The following ADGRE1 variants were observed in gnomAD, a reference collection of about 807,000 sequenced individuals.
ADGRE1 encodes the protein EGF-like module receptor 1.
Under a neutral mutation model 102.7 loss-of-function variants are expected in ADGRE1, and 82 were observed. The ratio of observed to expected loss-of-function variants is 0.80; its 90% CI spans 0.67 to 0.96. The LOEUF (loss-of-function observed/expected upper bound fraction) is 0.96, where lower values mean the gene tolerates loss of function less well. Ranked by LOEUF, ADGRE1 falls within the 40% of genes least tolerant of loss-of-function variation. The pLI is 0.00. For missense variants in ADGRE1, 1,032 were observed against 1,085.3 expected, an observed-to-expected ratio of 0.95 and a Z score of 0.69; for synonymous variants, 398 against 399.6, an observed-to-expected ratio of 1.00 and a Z score of 0.05.
intron 17 of ADGRE1, among the ~76,000 whole-genome samples, 161 bp from the exon 18 acceptor site, chr19:6,934,826 C>T (rs1006183591): frequency 4.0e-5 from 6 of 149,992 alleles, no homozygotes; most frequent in Admixed American, 6.7e-5. Flanking sequence ...AGGCTGGTCT[C>T]GAATTCCTGA....
At chr19:6,928,532 C>A in intron 17 of ADGRE1, 1 of 393,158 alleles carries the variant, frequency 2.5e-6, no homozygotes, top group South Asian at 3.2e-5. Flanking sequence ...GAGGCTGAGG[C>A]AGGAGAATCG....
chr19:6,930,886 G>A (rs555812083), intron 17 of ADGRE1, among the ~76,000 whole-genome samples: 7 of 152,054 alleles, frequency 4.6e-5, no homozygotes, highest in South Asian at 2.1e-4. Flanking sequence ...TGACCCACCC[G>A]CCTCGACCTC....
intron 9 of ADGRE1, 22 bp from the exon 10 acceptor site, chr19:6,908,667 T>C (rs750001105): frequency 5.1e-6 from 8 of 1,562,334 alleles, no homozygotes; most frequent in Non-Finnish European, 6.9e-6. Flanking sequence ...AAATGCTCTT[T>C]TTTTTTTTTT....
chr19:6,889,060 A>G (rs1973251441), intron 1 of ADGRE1, among the ~76,000 whole-genome samples: 1 of 151,844 alleles, frequency 6.6e-6, no homozygotes. Flanking sequence ...GATAATGAAG[A>G]TGATGGTGAT....
chr19:6,915,589 G>A (rs981175915), intron 11 of ADGRE1, among the ~76,000 whole-genome samples: 1 of 152,044 alleles, frequency 6.6e-6, no homozygotes, highest in African/African-American at 2.4e-5. Context: ...TACCATGCTA[G>A]GCTTGCCCCA....
intron 15 of ADGRE1, among the ~76,000 whole-genome samples, chr19:6,925,203 C>A (rs1033424295): frequency 2.0e-5 from 3 of 152,154 alleles, no homozygotes; most frequent in Admixed American, 2.0e-4. Flanking sequence ...CTCACTGCAA[C>A]CCCTGCCTCT....
chr19:6,927,841 AATG>A (rs1368016406), intron 16 of ADGRE1, among the ~76,000 whole-genome samples: 1 of 151,968 alleles, frequency 6.6e-6, no homozygotes, highest in East Asian at 1.9e-4. Flanking sequence ...CTGAGATTTG[AATG>A]ATAAGGTGTA....
At chr19:6,919,800 G>C in intron 13 of ADGRE1, 53 bp downstream of exon 13, 1 of 1,554,868 alleles carries the variant, frequency 6.4e-7, no homozygotes, top group South Asian at 1.1e-5. Flanking sequence ...GGAACTCCTC[G>C]TCTCTCGATT....
intron 10 of ADGRE1, 34 bp from the exon 11 acceptor site, chr19:6,913,619 G>A (rs1250917184): frequency 1.3e-6 from 2 of 1,532,220 alleles, no homozygotes; most frequent in Admixed American, 3.8e-5. Flanking sequence ...ATGAGAGAGA[G>A]AGAGAGAATG....
intron 17 of ADGRE1, among the ~76,000 whole-genome samples, chr19:6,932,922 A>C (rs35726166): frequency 0.23 from 35,367 of 152,134 alleles, 4,461 homozygotes; most frequent in African/African-American, 0.29. Context: ...CATGGAAATA[A>C]TAATTATGAT....
intron 17 of ADGRE1, among the ~76,000 whole-genome samples, chr19:6,933,881 T>A (rs1975269704): frequency 6.6e-6 from 1 of 151,924 alleles, no homozygotes; most frequent in Non-Finnish European, 1.5e-5. Flanking sequence ...CAGGTGTATG[T>A]ATATCTTGCT....
chr19:6,921,961 T>C lies in ADGRE1; in HGVS notation c.1791+78T>C, dbSNP rs867837933. ...TGGGAAAATATTGATTAAACATCTG[T>C]TGTGTGTCTCCCATGGGGTTGGGTG... On this transcript the variant is annotated intron_variant, in intron 14 of 20. Transcript: ENST00000312053. 22 of 1,497,448 alleles carry C rather than the reference T, an allele frequency of 1.5e-5. No homozygotes were observed. The South Asian group carries it at 1.9e-4, about 13-fold the overall frequency. The allele number at this position is 1,497,448 out of a possible 1,614,324, so 92.8% of individuals were successfully genotyped here.
chr19:6,920,374 C>T (rs1340053401), intron 13 of ADGRE1, among the ~76,000 whole-genome samples: 1 of 151,864 alleles, frequency 6.6e-6, no homozygotes, highest in South Asian at 2.1e-4. Context: ...CGCCCGCCAC[C>T]ATGACCGGCT....
At chr19:6,934,428 T>C (rs949245647) in intron 17 of ADGRE1, among the ~76,000 whole-genome samples, 2 of 148,526 alleles carry the variant, frequency 1.3e-5, no homozygotes, top group South Asian at 2.1e-4. Flanking sequence ...TCTTTTTTTT[T>C]TTTTTTTTTT....
intron 17 of ADGRE1, among the ~76,000 whole-genome samples, chr19:6,933,655 G>A (rs752646350): frequency 3.3e-5 from 5 of 152,128 alleles, no homozygotes; most frequent in Non-Finnish European, 7.4e-5. Context: ...CCAATGTGCT[G>A]GGATTACAGG....
intron 10 of ADGRE1, among the ~76,000 whole-genome samples, chr19:6,909,488 G>A (rs1974093066): frequency 6.6e-6 from 1 of 152,092 alleles, no homozygotes; most frequent in Admixed American, 6.6e-5. Context: ...TTTTGAGACT[G>A]GCTTCTTTGA....
intron 10 of ADGRE1, among the ~76,000 whole-genome samples, chr19:6,910,570 C>CTTTTTTTT (rs11303491): frequency 2.7e-5 from 3 of 112,656 alleles, no homozygotes; most frequent in Non-Finnish European, 3.4e-5. Flanking sequence ...TGTTCCAACT[C>CTTTTTTTT]TTTTTTTTTT....
intron 5 of ADGRE1, chr19:6,898,496 A>C: frequency 6.4e-7 from 1 of 1,571,282 alleles, no homozygotes; most frequent in Non-Finnish European, 8.8e-7. Context: ...ATGGGTCTTG[A>C]GTGGATATCT....
intron 8 of ADGRE1, among the ~76,000 whole-genome samples, chr19:6,904,785 C>T (rs941323073): frequency 3.0e-4 from 45 of 152,084 alleles, no homozygotes; most frequent in African/African-American, 9.9e-4. Flanking sequence ...GGATTACAGG[C>T]ATGAGCCACT....
Sources: gnomAD v4.1 joint callset for allele counts (sites outside exome capture counted in the v4.1 genomes callset) on GRCh38, gnomAD v4.1.1 for gene constraint, MANE v1.5 for transcripts, NCBI Gene and HGNC (gene_info 2026-07-23, HGNC 2026-07-21) for gene names.